MAP4K5: variants seen among roughly 807,000 people sequenced by gnomAD.
MAP4K5 encodes the protein mitogen-activated protein kinase kinase kinase kinase 5.
MAP4K5 carries 82 observed loss-of-function variants against 135.6 expected under a neutral mutation model. The observed-to-expected ratio is 0.60, with a 90% CI of 0.51 to 0.73. The LOEUF is 0.73. Among genes scored for constraint, MAP4K5 ranks in the 30% least tolerant of loss-of-function variants. The pLI, the probability that MAP4K5 is intolerant of heterozygous loss-of-function variation, is 0.00. For synonymous variants in MAP4K5, 347 were observed against 335.0 expected, an observed-to-expected ratio of 1.04 and a Z score of -0.39; for missense variants, 907 against 1,010.9, an observed-to-expected ratio of 0.90 and a Z score of 1.39.
chr14:50,486,047 T>G lies in MAP4K5; in HGVS notation c.257+57A>C, dbSNP rs371827781. 5.9e-5 allele frequency: 40 copies of G among 683,242 alleles called. 1 individual carries two copies. Among genetic ancestry groups the G allele is most frequent in the African/African-American group, 4.7e-4 (25 of 53,124 alleles). The allele number at this position is 683,242 out of a possible 1,614,324, so 42.3% of individuals were successfully genotyped here. A position where few individuals can be genotyped will look rare whatever the true frequency, so the allele number is the denominator to read the frequency against. On this transcript the variant is annotated intron_variant, in intron 4 of 32. Transcript: ENST00000682126. ...TAGCACTTACATACAAGGGAGAGAGTGTAGTAGCAAAGAATATATAAAATA... is the reference window on the plus strand; with the variant it reads ...TAGCACTTACATACAAGGGAGAGAGGGTAGTAGCAAAGAATATATAAAATA...
chr14:50,462,698 T>C lies in MAP4K5; in HGVS notation c.903A>G (p.Ala301=), dbSNP rs1197544485. 1.2e-6 allele frequency: 2 copies of C among 1,606,240 alleles called. No individual in the cohort carries two copies. The highest frequency in any genetic ancestry group is 2.2e-5 in the South Asian group (2 of 89,256). Reference sequence around the variant, plus strand: ...CATCGTCATCTGCTTCAGTGTAATGTGCGTGGTTATCTGGATTGTTCACTT... The same window carrying C: ...CATCGTCATCTGCTTCAGTGTAATGCGCGTGGTTATCTGGATTGTTCACTT... ...LDKVNNPDNH[A]HYTEADDDDF... The change falls in exon 13 of 33, where the codon GCA becomes GCG. Residue 301 remains alanine, a synonymous_variant. Coordinates refer to ENST00000682126, the MANE Select transcript of MAP4K5 (RefSeq NM_006575.6).
intron 6 of MAP4K5, among the ~76,000 whole-genome samples, chr14:50,479,528 A>G (rs1396134015): frequency 6.6e-6 from 1 of 152,100 alleles, no homozygotes; most frequent in Non-Finnish European, 1.5e-5. Flanking sequence ...TGTTAATTCC[A>G]TCAGACACTG....
chr14:50,424,628 T>G (rs2035805463), intron 31 of MAP4K5, among the ~76,000 whole-genome samples: 1 of 150,470 alleles, frequency 6.6e-6, no homozygotes, highest in South Asian at 2.1e-4. Flanking sequence ...GAGAATCGCT[T>G]GAACCCAGGA....
At chr14:50,431,521 C>T (rs541727772) in intron 28 of MAP4K5, among the ~76,000 whole-genome samples, 11 of 151,948 alleles carry the variant, frequency 7.2e-5, no homozygotes, top group East Asian at 5.8e-4. Context: ...TTTGTTCTTG[C>T]GATAGTTTAC....
intron 2 of MAP4K5, among the ~76,000 whole-genome samples, chr14:50,509,766 A>G (rs2037892591): frequency 6.6e-6 from 1 of 151,922 alleles, no homozygotes; most frequent in Non-Finnish European, 1.5e-5. Context: ...CCTAAATGTC[A>G]GTACCCTGGT....
intron 1 of MAP4K5, among the ~76,000 whole-genome samples, chr14:50,548,117 C>T (rs556026881): frequency 6.6e-6 from 1 of 152,216 alleles, no homozygotes; most frequent in South Asian, 2.1e-4. Flanking sequence ...GATAGGGGCC[C>T]AAATTCCTGG....
intron 13 of MAP4K5, 126 bp from the exon 14 acceptor site, chr14:50,456,720 C>T: frequency 3.1e-6 from 2 of 637,548 alleles, no homozygotes. Context: ...AAACATAAAA[C>T]AAATACAATG....
chr14:50,559,643 G>A (rs1453308501), intron 1 of MAP4K5: 1 of 152,004 alleles, frequency 6.6e-6, no homozygotes, highest in African/African-American at 2.4e-5. Flanking sequence ...TGATCTTCTT[G>A]ATATAAATTT....
intron 5 of MAP4K5, 118 bp from the exon 6 acceptor site, chr14:50,482,534 T>G (rs1295436082): frequency 1.6e-6 from 1 of 632,516 alleles, no homozygotes; most frequent in Non-Finnish European, 2.7e-6. Flanking sequence ...ATCCCAGCAC[T>G]TTGGGAGGCC....
intron 21 of MAP4K5, 83 bp from the exon 22 acceptor site, chr14:50,440,524 G>A: frequency 1.5e-6 from 1 of 679,948 alleles, no homozygotes; most frequent in South Asian, 2.2e-5. Context: ...CATTGTAATG[G>A]CATCAAGAAT....
At chr14:50,449,244 A>G (rs1056026283) in intron 14 of MAP4K5, 1 of 158,396 alleles carries the variant, frequency 6.3e-6, no homozygotes, top group African/African-American at 2.4e-5. Flanking sequence ...AAAAGAACAA[A>G]TGACTTCTGT....
rs77679954 is a variant in MAP4K5, at chr14:50,434,575, C to A, written c.1987-4G>T. On this transcript the variant is annotated splice_polypyrimidine_tract_variant and splice_region_variant and intron_variant, in intron 27 of 32. Coordinates refer to ENST00000682126, the MANE Select transcript of MAP4K5 (RefSeq NM_006575.6). ...TTGGCAAAGGAAAATCAAAGTGCTGCAAAAAAAATAAACAATAGAGCCATA... is the reference window on the plus strand; with the variant it reads ...TTGGCAAAGGAAAATCAAAGTGCTGAAAAAAAAATAAACAATAGAGCCATA... 2 of 1,565,744 alleles carry A rather than the reference C, an allele frequency of 1.3e-6. No homozygotes were observed. Among genetic ancestry groups the A allele is most frequent in the Non-Finnish European group, 1.7e-6 (2 of 1,155,758 alleles).
In MAP4K5 at chr14:50,454,800, G is replaced by GT. The variant is rs113861173; in HGVS notation, c.1015+1715dup. Among the ~76,000 whole-genome samples the GT allele has an allele frequency of 3.4e-4, 52 of 150,850 alleles. 2 individuals carry two copies. The highest frequency in any genetic ancestry group is 2.9e-3 in the South Asian group (14 of 4,762). On this transcript the variant is annotated intron_variant, in intron 14 of 32. Transcript: ENST00000682126. The stretch of plus-strand genomic sequence containing the variant: ...CTGTGTAAAAACAATGAATTTTTCT[G>GT]TTTTTTTTTAACCACATAAGCTGAT...
chr14:50,549,347 T>A (rs2038673877), intron 1 of MAP4K5, among the ~76,000 whole-genome samples: 1 of 152,218 alleles, frequency 6.6e-6, no homozygotes, highest in Admixed American at 6.5e-5. Context: ...CCATCCTCTA[T>A]GCAGATATTC....
At chr14:50,501,305 A>G (rs1476769322) in intron 3 of MAP4K5, among the ~76,000 whole-genome samples, 4 of 152,126 alleles carry the variant, frequency 2.6e-5, no homozygotes, top group East Asian at 3.8e-4. Flanking sequence ...AAACTAAAAC[A>G]CCCACAAATT....
chr14:50,549,557 T>C (rs1270469923), intron 1 of MAP4K5, among the ~76,000 whole-genome samples: 1 of 152,176 alleles, frequency 6.6e-6, no homozygotes, highest in Non-Finnish European at 1.5e-5. Flanking sequence ...TACACAACAA[T>C]TGGGGCCTTC....
At chr14:50,513,941 C>T (rs183908795) in intron 2 of MAP4K5, among the ~76,000 whole-genome samples, 7 of 152,226 alleles carry the variant, frequency 4.6e-5, no homozygotes, top group Middle Eastern at 3.4e-3. Context: ...AAAGAAGCAA[C>T]GCAGCACCCA....
At chr14:50,540,313 G>A (rs1172163892) in intron 2 of MAP4K5, among the ~76,000 whole-genome samples, 2 of 152,176 alleles carry the variant, frequency 1.3e-5, no homozygotes, top group Non-Finnish European at 2.9e-5. Flanking sequence ...ATATGTAGGT[G>A]GAAAAATCCT....
intron 13 of MAP4K5, among the ~76,000 whole-genome samples, chr14:50,459,622 A>T (rs886274253): frequency 1.3e-5 from 2 of 152,048 alleles, no homozygotes; most frequent in Non-Finnish European, 2.9e-5. Context: ...GACAGTATCT[A>T]GCTCTGTATC....
Sources: allele counts gnomAD v4.1 joint callset (sites outside exome capture counted in the v4.1 genomes callset), GRCh38; gene constraint gnomAD v4.1.1; transcripts MANE v1.5; gene names NCBI Gene and HGNC (gene_info 2026-07-23, HGNC 2026-07-21).